The following RYR2 variants were observed in gnomAD, a reference collection of about 807,000 sequenced individuals.
The protein encoded by RYR2 is ryanodine receptor 2, also known as cardiac muscle ryanodine receptor-calcium release channel.
Under a neutral mutation model 601.1 loss-of-function variants are expected in RYR2, and 227 were observed. That is an observed-to-expected ratio of 0.38 (90% confidence interval 0.34 to 0.42). The LOEUF (loss-of-function observed/expected upper bound fraction) is 0.42, where lower values mean the gene tolerates loss of function less well. RYR2 is among the 10% of genes least tolerant of loss of function. RYR2 has a pLI of 1.00. For synonymous variants in RYR2, 2,223 were observed against 2,175.1 expected (o/e 1.02, Z -0.61); for missense variants, 4,646 against 6,156.5 (o/e 0.75, Z 8.21).
At chr1:237,100,699 T>C (rs777115396) in intron 1 of RYR2, among the ~76,000 whole-genome samples, 4 of 152,138 alleles carry the variant, frequency 2.6e-5, no homozygotes, top group Non-Finnish European at 4.4e-5. Flanking sequence ...ATCTGGGATT[T>C]AAAGGGGCAG....
chr1:237,681,420 G>A (rs1171630744), intron 62 of RYR2, among the ~76,000 whole-genome samples: 1 of 152,172 alleles, frequency 6.6e-6, no homozygotes, highest in African/African-American at 2.4e-5. Context: ...GAAGTGGAAA[G>A]ATTCCTGCAC....
Position 237,785,996 on chromosome 1 carries a change from G to A in RYR2, c.13288G>A (p.Glu4430Lys), listed in dbSNP as rs2149359974. The A allele has an allele frequency of 6.3e-7, 1 of 1,591,188 alleles. No homozygotes were observed. ...ACAGAAGGCAAAAGAAGAAGAAAAG[G>A]AAGAAAAAGAAGAAACCAAATCTGA... is the stretch of plus-strand genomic sequence containing the variant. The part of the protein sequence containing the change: ...QEQKAKEEEK[E>K]EKEETKSEPE... The change falls in exon 91 of 105, where the codon GAA becomes AAA. Residue 4430 changes from glutamate to lysine, a missense_variant. Coordinates refer to ENST00000366574, the MANE Select transcript of RYR2 (RefSeq NM_001035.3).
In RYR2 at chr1:237,718,517, G is replaced by A; in HGVS notation, c.10550G>A (p.Gly3517Asp). The A allele has an allele frequency of 6.3e-7, 1 of 1,581,432 alleles. No homozygotes were observed. Among genetic ancestry groups the A allele is most frequent in the Non-Finnish European group, 8.7e-7 (1 of 1,151,646 alleles). ...ATCCGCAGCAATATTCATTTACAAG[G>A]CAAGGTAAGCCAAATTTTATTCTTA... ...DIIRSNIHLQGKLEDPAIRWQ... is the reference protein window; with the variant it reads ...DIIRSNIHLQDKLEDPAIRWQ... Residue 3517 changes from glycine (G) to aspartate (D), a missense_variant, in exon 73 of 105, where the codon GGC becomes GAC. Transcript: ENST00000366574.
intron 8 of RYR2, among the ~76,000 whole-genome samples, chr1:237,383,092 T>G (rs1013625629): frequency 6.6e-6 from 1 of 152,194 alleles, no homozygotes; most frequent in Non-Finnish European, 1.5e-5. Flanking sequence ...AAGGGTTCAA[T>G]TGAGAGATTC....
chr1:237,102,489 G>T (rs916620295), intron 1 of RYR2, among the ~76,000 whole-genome samples: 1 of 152,230 alleles, frequency 6.6e-6, no homozygotes, highest in Non-Finnish European at 1.5e-5. Flanking sequence ...GTGGGAGCCC[G>T]GGAATCAGGA....
At chr1:237,077,476 C>T (rs538281534) in intron 1 of RYR2, among the ~76,000 whole-genome samples, 291 of 133,954 alleles carry the variant, frequency 2.2e-3, no homozygotes, top group African/African-American at 7.3e-3. Context: ...GGTTGCAATC[C>T]TAGTCTCTGA....
rs543061559 is a variant in RYR2, at chr1:237,641,664, C to T, written c.7221+662C>T. ...TCAAGTGATTCTCCTGCCTCAGCCT[C>T]CTGAGTAGCTGGGACTACAGGCACA... On this transcript the variant is annotated intron_variant, in intron 47 of 104. Coordinates refer to ENST00000366574, the MANE Select transcript of RYR2 (RefSeq NM_001035.3). Among the ~76,000 whole-genome samples the T allele has an allele frequency of 2.0e-5, 3 of 152,190 alleles. No individual in the cohort carries two copies. In the South Asian group the frequency reaches 6.2e-4, roughly 32 times the overall value.
intron 3 of RYR2, among the ~76,000 whole-genome samples, chr1:237,331,684 T>C (rs1198700679): frequency 6.6e-6 from 1 of 151,230 alleles, no homozygotes; most frequent in South Asian, 2.1e-4. Flanking sequence ...TTTTTTTTTT[T>C]TTTCTATTTT....
chr1:237,457,864 A>G (rs1258507200), intron 16 of RYR2, among the ~76,000 whole-genome samples: 3 of 152,182 alleles, frequency 2.0e-5, no homozygotes, highest in Admixed American at 2.0e-4. Flanking sequence ...GTATGTCACA[A>G]CTGTTACATC....
At chr1:237,540,348 A>T (rs1016037586) in intron 25 of RYR2, among the ~76,000 whole-genome samples, 10 of 152,160 alleles carry the variant, frequency 6.6e-5, no homozygotes, top group Admixed American at 1.3e-4. Context: ...TTAAACTTTC[A>T]TTTAGCACTT....
At chr1:237,627,124 C>T (rs1679757138) in intron 40 of RYR2, among the ~76,000 whole-genome samples, 1 of 152,148 alleles carries the variant, frequency 6.6e-6, no homozygotes, top group African/African-American at 2.4e-5. Flanking sequence ...AAATTGGTCA[C>T]CCCACTTAAT....
chr1:237,678,819 C>G (rs1465326533), intron 61 of RYR2, among the ~76,000 whole-genome samples: 4 of 152,160 alleles, frequency 2.6e-5, no homozygotes, highest in Admixed American at 2.6e-4. Flanking sequence ...CCTGGGTAAG[C>G]TTTCTTGTTT....
At chr1:237,231,435 A>G (rs1054123343) in intron 1 of RYR2, among the ~76,000 whole-genome samples, 26 of 151,790 alleles carry the variant, frequency 1.7e-4, no homozygotes, top group Non-Finnish European at 4.4e-5. Context: ...AGCTGGAACT[A>G]CAGGCGCACA....
At chr1:237,757,949 A>G (rs1417937465) in intron 82 of RYR2, among the ~76,000 whole-genome samples, 173 bp downstream of exon 82, 1 of 152,246 alleles carries the variant, frequency 6.6e-6, no homozygotes, top group East Asian at 1.9e-4. Flanking sequence ...TGATAGTGTT[A>G]CAAATCCAAA....
intron 1 of RYR2, among the ~76,000 whole-genome samples, chr1:237,229,849 T>A (rs1053818354): frequency 6.6e-6 from 1 of 152,124 alleles, no homozygotes; most frequent in African/African-American, 2.4e-5. Flanking sequence ...AAACATAAGA[T>A]CTCCCACCAA....
intron 1 of RYR2, among the ~76,000 whole-genome samples, chr1:237,171,010 T>C (rs997022092): frequency 6.6e-6 from 1 of 151,678 alleles, no homozygotes; most frequent in African/African-American, 2.4e-5. Flanking sequence ...AAATAGATTC[T>C]CCCCATGAGG....
intron 49 of RYR2, among the ~76,000 whole-genome samples, chr1:237,649,403 T>C (rs998289454): frequency 1.3e-5 from 2 of 152,200 alleles, no homozygotes; most frequent in Admixed American, 6.5e-5. Flanking sequence ...GTATGGGCGA[T>C]AACATAGTAG....
intron 2 of RYR2, among the ~76,000 whole-genome samples, chr1:237,291,965 G>A (rs943545364): frequency 2.6e-5 from 4 of 152,192 alleles, no homozygotes; most frequent in African/African-American, 9.7e-5. Context: ...TGTAACAGCG[G>A]TGTCACTTTG....
chr1:237,705,182 A>G, intron 66 of RYR2, 31 bp from the exon 67 acceptor site: 1 of 1,591,652 alleles, frequency 6.3e-7, no homozygotes, highest in East Asian at 2.2e-5. Context: ...CACTTGGAAG[A>G]CCTTAAAACA....
Sources: allele counts gnomAD v4.1 joint callset (sites outside exome capture counted in the v4.1 genomes callset), GRCh38; gene constraint gnomAD v4.1.1; transcripts MANE v1.5; gene names NCBI Gene and HGNC (gene_info 2026-07-23, HGNC 2026-07-21).